RTN4: variants seen among roughly 807,000 people sequenced by gnomAD.
RTN4 encodes the protein reticulon-4.
A neutral mutation model predicts 90.4 loss-of-function variants in RTN4; 32 were observed. The observed-to-expected ratio is 0.35, with a 90% CI of 0.27 to 0.48. RTN4 has a LOEUF of 0.48. Among genes scored for constraint, RTN4 ranks in the 20% least tolerant of loss-of-function variants. The pLI is 0.99. For missense variants in RTN4, 1,706 were observed against 1,430.2 expected, an observed-to-expected ratio of 1.19 and a Z score of -3.11; for synonymous variants, 629 against 552.5, an observed-to-expected ratio of 1.14 and a Z score of -1.94.
intron 3 of RTN4, among the ~76,000 whole-genome samples, chr2:55,014,111 C>G (rs953168039): frequency 6.6e-6 from 1 of 152,138 alleles, no homozygotes; most frequent in African/African-American, 2.4e-5. Context: ...TAAAACCCTA[C>G]CATATGCTGT....
chr2:54,988,059 G>A (rs1217687719), intron 3 of RTN4, among the ~76,000 whole-genome samples: 3 of 152,210 alleles, frequency 2.0e-5, no homozygotes, highest in African/African-American at 7.2e-5. Context: ...GTTCATGCCT[G>A]TAATCCCAGC....
intron 1 of RTN4, among the ~76,000 whole-genome samples, chr2:55,045,706 C>A (rs1375609879): frequency 1.3e-5 from 2 of 152,176 alleles, no homozygotes; most frequent in African/African-American, 2.4e-5. Flanking sequence ...GCAAGGGCAA[C>A]TGGATAGCAG....
chr2:54,974,031 T>C, intron 6 of RTN4, 164 bp from the exon 7 acceptor site: 1 of 587,348 alleles, frequency 1.7e-6, no homozygotes. Flanking sequence ...GAGGAGCCAC[T>C]CCAGAGGAAT....
intron 3 of RTN4, among the ~76,000 whole-genome samples, chr2:54,989,484 T>TC (rs1678839141): frequency 6.6e-6 from 1 of 152,200 alleles, no homozygotes; most frequent in South Asian, 2.1e-4. Context: ...AAATGGCCTA[T>TC]CTATAGGTTG....
chr2:55,112,333 A>G (rs903891027), intron 1 of RTN4, among the ~76,000 whole-genome samples: 1 of 152,218 alleles, frequency 6.6e-6, no homozygotes, highest in African/African-American at 2.4e-5. Context: ...ACAGGTGAGG[A>G]AACCAGAGGT....
At chr2:55,016,781 T>C (rs1681077043) in intron 3 of RTN4, among the ~76,000 whole-genome samples, 1 of 152,186 alleles carries the variant, frequency 6.6e-6, no homozygotes, top group South Asian at 2.1e-4. Context: ...CTAACTTCAC[T>C]GATAGTTATC....
chr2:55,019,218 G>C (rs1387738225), intron 3 of RTN4, among the ~76,000 whole-genome samples: 1 of 152,164 alleles, frequency 6.6e-6, no homozygotes, highest in African/African-American at 2.4e-5. Flanking sequence ...GAGGTCTGCT[G>C]CTTAAACAGG....
rs1048928462 is a variant in RTN4 at position 55,049,879 on chromosome 2, G to C, written c.422C>G (p.Ala141Gly). Residue 141 changes from alanine to glycine, a missense_variant, in exon 1 of 9, where the codon GCC becomes GGC. Coordinates refer to ENST00000337526, the MANE Select transcript of RTN4 (RefSeq NM_020532.5). Reference sequence around the variant, plus strand: ...GGCCGGGGGAGGAGGGGGAGGCCGGGCCGGAGGCTCGTCGTCCTCAGGGAG... The same window carrying C: ...GGCCGGGGGAGGAGGGGGAGGCCGGCCCGGAGGCTCGTCGTCCTCAGGGAG... ...SKLPEDDEPP[A>G]RPPPPPPASV... 68 of 1,320,436 alleles carry C rather than the reference G, an allele frequency of 5.1e-5. No homozygotes were observed. Among genetic ancestry groups the C allele is most frequent in the Non-Finnish European group, 6.4e-5 (67 of 1,038,956 alleles). The allele number at this position is 1,320,436 out of a possible 1,614,324, so 81.8% of individuals were successfully genotyped here.
At position 55,038,429 on chromosome 2, in the gene RTN4, A is replaced by G. The variant is rs1019596369; in HGVS notation, c.557-10209T>C. ...GAGAGAACTCTTACAAATATGTAGGAAAAAAAAAGGCATACAACACAATTT... is the reference window on the plus strand; with the variant it reads ...GAGAGAACTCTTACAAATATGTAGGGAAAAAAAAGGCATACAACACAATTT... On this transcript the variant is annotated intron_variant, in intron 1 of 8. Coordinates refer to ENST00000337526, the MANE Select transcript of RTN4 (RefSeq NM_020532.5). 2.4e-4 allele frequency among the ~76,000 whole-genome samples: 36 copies of G among 151,610 alleles called. 1 individual carries two copies. Among genetic ancestry groups the G allele is most frequent in the African/African-American group, 7.7e-4 (32 of 41,346 alleles).
At chr2:55,082,201 G>A (rs1039758841) in intron 1 of RTN4, among the ~76,000 whole-genome samples, 1 of 152,168 alleles carries the variant, frequency 6.6e-6, no homozygotes, top group Non-Finnish European at 1.5e-5. Context: ...TGACAGAGCT[G>A]GATCCAAAGG....
At chr2:55,110,578 G>A (rs921984804) in intron 1 of RTN4, among the ~76,000 whole-genome samples, 10 of 152,076 alleles carry the variant, frequency 6.6e-5, no homozygotes, top group African/African-American at 2.2e-4. Flanking sequence ...GCATTTCCTG[G>A]TTACTTATCA....
chr2:55,031,537 A>G (rs953116193), intron 1 of RTN4, among the ~76,000 whole-genome samples: 1 of 152,210 alleles, frequency 6.6e-6, no homozygotes, highest in Non-Finnish European at 1.5e-5. Context: ...CAAGAAACCT[A>G]TGGTAGAGCT....
intron 5 of RTN4, among the ~76,000 whole-genome samples, chr2:54,979,645 T>C (rs1677958474): frequency 6.6e-6 from 1 of 152,198 alleles, no homozygotes; most frequent in Non-Finnish European, 1.5e-5. Flanking sequence ...TCACAAGGTT[T>C]ATCGTTTATC....
intron 8 of RTN4, 23 bp downstream of exon 8, chr2:54,973,538 AAC>A (rs1255138176): frequency 2.7e-5 from 42 of 1,559,606 alleles, no homozygotes; most frequent in Non-Finnish European, 3.5e-5. Flanking sequence ...TCCTAGTAAA[AAC>A]ACTGCAGATT....
Position 55,050,286 on chromosome 2 carries a change from G to C in RTN4, c.15C>G (p.Asp5Glu). The C allele has an allele frequency of 6.9e-7, 1 of 1,452,708 alleles. No individual in the cohort carries two copies. Among genetic ancestry groups the C allele is most frequent in the Non-Finnish European group, 9.1e-7 (1 of 1,102,264 alleles). 90.0% of individuals were successfully genotyped at this position (1,452,708 alleles called of 1,614,324 possible). MEDL[D>E]QSPLVSSSDS... ...CCGAGGACGAGACCAGAGGAGACTG[G>C]TCCAGGTCTTCCATGGCTGGAGGGT... is the stretch of plus-strand genomic sequence containing the variant. Residue 5 changes from aspartate (D) to glutamate (E), a missense_variant, in exon 1 of 9, where the codon GAC becomes GAG. Transcript: ENST00000337526. This position sits in a 1 kb window ranked among gnomAD's most constrained non-coding sequence, Gnocchi z 4.6.
intron 5 of RTN4, among the ~76,000 whole-genome samples, chr2:54,980,918 T>C (rs1387393323): frequency 6.6e-6 from 1 of 152,254 alleles, no homozygotes; most frequent in African/African-American, 2.4e-5. Flanking sequence ...TCCTCTAGGC[T>C]GTATGTACAA....
At chr2:54,978,562 A>AAC (rs1333161269) in intron 5 of RTN4, among the ~76,000 whole-genome samples, 2 of 152,180 alleles carry the variant, frequency 1.3e-5, no homozygotes, top group African/African-American at 4.8e-5. Flanking sequence ...TACTTCTTTC[A>AAC]AATTGTTGTT....
Position 55,027,177 on chromosome 2 carries a change from G to C in RTN4, c.922C>G (p.Pro308Ala), listed in dbSNP as rs199609007. Residue 308 changes from proline (P) to alanine (A), a missense_variant, in exon 3 of 9, where the codon CCA (proline) becomes GCA (alanine). By Grantham distance (27) the Pro-to-Ala change is conservative. Coordinates refer to ENST00000337526, the MANE Select transcript of RTN4 (RefSeq NM_020532.5). ...ACTATTACGGCAGATTCTGCTTTTG[G>C]AGAGACACTGAACGATGATCCCATT... ...SEMGSSFSVS[P>A]KAESAVIVAN... 1.5e-5 allele frequency: 24 copies of C among 1,613,496 alleles called. No homozygotes were observed. The highest frequency in any genetic ancestry group is 1.4e-4 in the South Asian group (13 of 91,056).
rs553885578 is a variant in RTN4 at position 54,973,230 on chromosome 2, T to TTTTG, written c.3537-36_3537-33dup. 1.7e-3 allele frequency: 2,645 copies of TTTTG among 1,560,758 alleles called. 20 individuals are homozygous for TTTTG. Among genetic ancestry groups the TTTTG allele is most frequent in the East Asian group, 7.4e-3 (327 of 44,150 alleles). ...ATGAAAAAGTCAATGTAAATATCAG[T>TTTTG]TTTGTTTGCTGCTGCTTAAAATACC... On this transcript the variant is annotated intron_variant, in intron 8 of 8. Transcript: ENST00000337526.
Sources: allele counts gnomAD v4.1 joint callset (sites outside exome capture counted in the v4.1 genomes callset), GRCh38; gene constraint gnomAD v4.1.1; non-coding constraint Gnocchi (gnomAD v3.1); transcripts MANE v1.5; gene names NCBI Gene and HGNC (gene_info 2026-07-23, HGNC 2026-07-21).